Variants in ZNF385C observed in about 807,000 individuals in gnomAD.
ZNF385C encodes the protein zinc finger protein 385C.
A neutral mutation model predicts 35.4 loss-of-function variants in ZNF385C; 28 were observed. The ratio of observed to expected loss-of-function variants is 0.79; its 90% confidence interval spans 0.59 to 1.08. The LOEUF is 1.08. Ranked by LOEUF, ZNF385C falls within the 50% of genes least tolerant of loss-of-function variation. ZNF385C has a pLI of 0.00. For missense variants in ZNF385C, 605 were observed against 595.6 expected, an observed-to-expected ratio of 1.02 and a Z score of -0.16; for synonymous variants, 248 against 248.2, an observed-to-expected ratio of 1.00 and a Z score of 0.01.
chr17:42,096,795 G>A (rs1360491378), intron 1 of ZNF385C, among the ~76,000 whole-genome samples: 1 of 151,732 alleles, frequency 6.6e-6, no homozygotes, highest in Non-Finnish European at 1.5e-5. Context: ...GGGCGGGGGC[G>A]GGGGGACTCT....
intron 1 of ZNF385C, among the ~76,000 whole-genome samples, chr17:42,080,119 C>G (rs1212366569): frequency 4.6e-5 from 7 of 152,150 alleles, no homozygotes; most frequent in African/African-American, 1.7e-4. Flanking sequence ...ATTGGGGTGT[C>G]CAACAGTGGG....
intron 2 of ZNF385C, among the ~76,000 whole-genome samples, chr17:42,057,733 C>T (rs1019566893): frequency 5.9e-5 from 9 of 152,010 alleles, no homozygotes; most frequent in African/African-American, 2.2e-4. Context: ...CACCTGAGGT[C>T]AGGAGTTTGA....
Position 42,027,667 on chromosome 17 carries a change from T to C in ZNF385C, c.1226A>G (p.Gln409Arg). The stretch of plus-strand genomic sequence containing the variant: ...TGCGTGCTTCTGCAGCTTGCTGTGC[T>C]GGCTGGAGGGCTTGGGGGTCTTCCC... ...LAGKTPKPSSQHSKLQKHAAL... is the reference protein window; with the variant it reads ...LAGKTPKPSSRHSKLQKHAAL... Residue 409 changes from glutamine to arginine, a missense_variant, in exon 8 of 9, where the codon CAG (glutamine) becomes CGG (arginine). Physicochemically the swap from Gln to Arg is conservative, Grantham distance 43 (BLOSUM62 1). Transcript: ENST00000692273. 1.2e-6 allele frequency: 2 copies of C among 1,610,104 alleles called. No individual in the cohort carries two copies. Among genetic ancestry groups the C allele is most frequent in the Non-Finnish European group, 1.7e-6 (2 of 1,178,490 alleles).
chr17:42,037,951 G>T, intron 2 of ZNF385C, 66 bp from the exon 3 acceptor site: 1 of 1,544,244 alleles, frequency 6.5e-7, no homozygotes, highest in Non-Finnish European at 8.7e-7. Context: ...AGAACAAGAG[G>T]CGGGTGGGCT....
intron 3 of ZNF385C, among the ~76,000 whole-genome samples, chr17:42,035,469 C>A (rs2052832690): frequency 6.6e-6 from 1 of 151,696 alleles, no homozygotes; most frequent in African/African-American, 2.4e-5. Context: ...ATGCAGGGAC[C>A]TGTGGGCTGG....
Position 42,059,660 on chromosome 17 carries a change from C to T in ZNF385C, c.250+3147G>A, listed in dbSNP as rs550857932. On this transcript the variant is annotated intron_variant, in intron 2 of 8. Transcript: ENST00000692273. ...TGTTTAAGACAGAGTCTCATTCTGT[C>T]GCCCAGGCTGGAGTGCAGTGGTGCG... Among the ~76,000 whole-genome samples the T allele has an allele frequency of 4.9e-4, 74 of 152,034 alleles. 1 individual carries two copies. The highest frequency in any genetic ancestry group is 4.4e-3 in the Admixed American group (68 of 15,282).
At chr17:42,039,707 A>T in intron 2 of ZNF385C, 2 of 1,232,498 alleles carry the variant, frequency 1.6e-6, no homozygotes, top group Non-Finnish European at 2.0e-6. Flanking sequence ...GGCCACCCTC[A>T]GGTGAGCTGC....
At chr17:42,030,004 G>C (rs1555654830) in intron 5 of ZNF385C, among the ~76,000 whole-genome samples, 1 of 151,928 alleles carries the variant, frequency 6.6e-6, no homozygotes. Flanking sequence ...CTCCAGCCTG[G>C]GTGACAGAGC....
intron 1 of ZNF385C, among the ~76,000 whole-genome samples, chr17:42,064,073 T>TACACAC (rs55771386): frequency 0.11 from 14,256 of 129,524 alleles, 1,022 homozygotes; most frequent in Non-Finnish European, 0.13. Context: ...CACACGCACA[T>TACACAC]ACACACACAC....
At chr17:42,037,527 A>G (rs2052886717) in intron 3 of ZNF385C, among the ~76,000 whole-genome samples, 2 of 151,988 alleles carry the variant, frequency 1.3e-5, no homozygotes, top group South Asian at 4.2e-4. Context: ...GGCTGACACC[A>G]TCTTGTTCCC....
chr17:42,054,471 G>A (rs1184997614), intron 2 of ZNF385C, among the ~76,000 whole-genome samples: 1 of 152,182 alleles, frequency 6.6e-6, no homozygotes, highest in African/African-American at 2.4e-5. Flanking sequence ...GGTTTGGGGA[G>A]CAGGGATCCA....
chr17:42,083,487 A>G (rs951847438), intron 1 of ZNF385C, among the ~76,000 whole-genome samples: 3 of 151,934 alleles, frequency 2.0e-5, no homozygotes, highest in African/African-American at 7.3e-5. Flanking sequence ...GATTACAGGC[A>G]TGAGCCACCG....
chr17:42,058,028 A>G (rs2053407582), intron 2 of ZNF385C, among the ~76,000 whole-genome samples: 1 of 151,962 alleles, frequency 6.6e-6, no homozygotes, highest in African/African-American at 2.4e-5. Flanking sequence ...TGCTTGGAGG[A>G]GGGAGACGAA....
chr17:42,062,898 G>A lies in ZNF385C; in HGVS notation c.159C>T (p.Asn53=), dbSNP rs2053485517. 3 of 684,062 alleles carry A rather than the reference G, an allele frequency of 4.4e-6. No individual in the cohort carries two copies. The highest frequency in any genetic ancestry group is 5.6e-5 in the East Asian group (2 of 35,908). 42.4% of individuals were successfully genotyped at this position (684,062 alleles called of 1,614,324 possible). ...AGTGCACCTGGGCCTGGGCCGCCGA[G>A]TTCAGCTGGATGTTGCAGACATCAC... ...TLCDVCNIQL[N]SAAQAQVHCG... The change falls in exon 2 of 9, where the codon AAC becomes AAT. Residue 53 remains asparagine, a synonymous_variant. Coordinates refer to ENST00000692273, the MANE Select transcript of ZNF385C (RefSeq NM_001392013.1).
At chr17:42,063,120 G>T (rs2143849749) in intron 1 of ZNF385C, 62 bp from the exon 2 acceptor site, 1 of 566,696 alleles carries the variant, frequency 1.8e-6, no homozygotes, top group East Asian at 3.1e-5. Flanking sequence ...AGAGAGAGCA[G>T]GAGGGGCTCA....
chr17:42,035,345 T>C (rs1426625707), intron 3 of ZNF385C, among the ~76,000 whole-genome samples: 1 of 151,488 alleles, frequency 6.6e-6, no homozygotes, highest in Admixed American at 6.6e-5. Flanking sequence ...TGTTTTTTGT[T>C]TTTCTCCTTT....
At chr17:42,051,781 G>C (rs1555657125) in intron 2 of ZNF385C, among the ~76,000 whole-genome samples, 3 of 152,134 alleles carry the variant, frequency 2.0e-5, no homozygotes. Context: ...TGAGGTCCCA[G>C]CCCCACCAGT....
chr17:42,052,806 G>A (rs1336492732), intron 2 of ZNF385C, among the ~76,000 whole-genome samples: 2 of 151,942 alleles, frequency 1.3e-5, no homozygotes, highest in African/African-American at 2.4e-5. Context: ...TAAATGCATC[G>A]GAGTTAAAAG....
rs782584968 is a variant in ZNF385C at position 42,028,246 on chromosome 17, C to T, written c.968G>A (p.Gly323Glu). 2 of 1,526,216 alleles carry T rather than the reference C, an allele frequency of 1.3e-6. No homozygotes were observed. The highest frequency in any genetic ancestry group is 1.3e-5 in the South Asian group (1 of 76,996). The allele number at this position is 1,526,216 out of a possible 1,614,324, so 94.5% of individuals were successfully genotyped here. Residue 323 changes from glycine (G) to glutamate (E), a missense_variant and splice_region_variant, in exon 7 of 9, where the codon GGA becomes GAA. By Grantham distance (98) the Gly-to-Glu change is moderately conservative. Coordinates refer to ENST00000692273, the MANE Select transcript of ZNF385C (RefSeq NM_001392013.1). ...TTCCATCATCCACCGGTGCTTGGCTCCTGGAGAGGGAAGAAGGCAGTCTCT... is the reference window on the plus strand; with the variant it reads ...TTCCATCATCCACCGGTGCTTGGCTTCTGGAGAGGGAAGAAGGCAGTCTCT... ...SASQLQAHNT[G>E]AKHRWMMEGQ... is the part of the protein sequence containing the mutation.
Sources: gnomAD v4.1 joint callset for allele counts (sites outside exome capture counted in the v4.1 genomes callset) on GRCh38, gnomAD v4.1.1 for gene constraint, MANE v1.5 for transcripts, NCBI Gene and HGNC (gene_info 2026-07-23, HGNC 2026-07-21) for gene names.